SYNE2: variants seen among roughly 807,000 people sequenced by gnomAD.
SYNE2 encodes nesprin-2.
Under a neutral mutation model 856.3 loss-of-function variants are expected in SYNE2, and 431 were observed. That is an observed-to-expected ratio of 0.50 (90% CI 0.47 to 0.55). The LOEUF is 0.55. Ranked by LOEUF, SYNE2 falls within the 20% of genes least tolerant of loss-of-function variation. The pLI, the probability that SYNE2 is intolerant of heterozygous loss-of-function variation, is 0.00. For synonymous variants in SYNE2, 2,923 were observed against 2,872.3 expected (o/e 1.02, Z -0.56); for missense variants, 8,129 against 8,023.2 (o/e 1.01, Z -0.50).
chr14:64,185,667 C>T (rs754308664), intron 96 of SYNE2, among the ~76,000 whole-genome samples: 6 of 151,674 alleles, frequency 4.0e-5, no homozygotes, highest in African/African-American at 1.5e-4. Flanking sequence ...ATTACAGGCG[C>T]GCGCCACCGC....
At chr14:64,038,344 C>T (rs2153558554) in intron 45 of SYNE2, among the ~76,000 whole-genome samples, 1 of 152,390 alleles carries the variant, frequency 6.6e-6, no homozygotes, top group East Asian at 1.9e-4. Flanking sequence ...CAGAGACGCT[C>T]CTCACTTTCC....
chr14:64,015,206 A>C (rs2096883388), intron 32 of SYNE2, among the ~76,000 whole-genome samples: 1 of 151,426 alleles, frequency 6.6e-6, no homozygotes, highest in African/African-American at 2.4e-5. Flanking sequence ...ACTGGCTTTC[A>C]TAAAATTAAT....
intron 1 of SYNE2, among the ~76,000 whole-genome samples, chr14:63,869,190 G>A (rs1896215159): frequency 1.3e-5 from 2 of 152,202 alleles, no homozygotes; most frequent in Admixed American, 1.3e-4. Context: ...CCAGAGAGCA[G>A]CCTGCTCGCT....
Position 64,002,005 on chromosome 14 carries a change from C to T in SYNE2, c.3710C>T (p.Ser1237Leu), listed in dbSNP as rs200305811. The change falls in exon 29 of 116, where the codon TCG becomes TTG. Residue 1237 changes from serine to leucine, a missense_variant. Physicochemically the swap from Ser to Leu is moderately radical, Grantham distance 145. Coordinates refer to ENST00000555002, the MANE Select transcript of SYNE2 (RefSeq NM_182914.3). Reference protein sequence around the residue: ...VEKASLLLCGSDLPLHKMAIQ... With the variant: ...VEKASLLLCGLDLPLHKMAIQ... ...AAGGCATCACTTCTTCTCTGTGGCT[C>T]GGACCTGCCTCTCCATAAAATGGCC... 70 of 1,613,968 alleles carry T rather than the reference C, an allele frequency of 4.3e-5. No homozygotes were observed. In the Admixed American group the frequency reaches 8.3e-4, roughly 19 times the overall value.
At position 64,140,230 on chromosome 14, in the gene SYNE2, A is replaced by G. The variant is rs978889385; in HGVS notation, c.14976+157A>G. Among the ~76,000 whole-genome samples the G allele has an allele frequency of 4.6e-4, 70 of 152,362 alleles. 2 individuals are homozygous for G. Among genetic ancestry groups the G allele is most frequent in the Non-Finnish European group, 8.2e-4 (56 of 68,038 alleles). On this transcript the variant is annotated intron_variant, in intron 80 of 115. Transcript: ENST00000555002. ...GTGTTCTTCAAACCTAGAACTGTTT[A>G]TACTGTTCATTCGTTTATAATAAAA...
rs1152583 is a variant in SYNE2 at position 64,225,659 on chromosome 14, C to A, written c.*133C>A. The A allele has an allele frequency of 0.14, 142,210 of 991,726 alleles. 16,711 individuals carry two copies. Among genetic ancestry groups the A allele is most frequent in the African/African-American group, 0.51 (31,466 of 62,282 alleles). 61.4% of individuals were successfully genotyped at this position (991,726 alleles called of 1,614,324 possible). On this transcript the variant is annotated 3_prime_UTR_variant, in exon 116 of 116. Coordinates refer to ENST00000555002, the MANE Select transcript of SYNE2 (RefSeq NM_182914.3). ...CTGTGCAGACTTCTTCTGGGCTTAC[C>A]CAGCACGGGCTCCCTGGAGCCCAGG... is the stretch of plus-strand genomic sequence containing the variant.
intron 99 of SYNE2, among the ~76,000 whole-genome samples, chr14:64,193,838 A>G (rs1005084832): frequency 2.0e-5 from 3 of 152,320 alleles, no homozygotes; most frequent in African/African-American, 7.2e-5. Flanking sequence ...AGATTATTTC[A>G]TTTGAATTCT....
chr14:64,224,776 A>G (rs546190661), intron 114 of SYNE2, among the ~76,000 whole-genome samples: 2 of 152,300 alleles, frequency 1.3e-5, no homozygotes, highest in East Asian at 3.9e-4. Context: ...TGATTTTGCC[A>G]TTAAAAACTT....
chr14:64,220,119 T>C (rs1000521978), intron 110 of SYNE2, among the ~76,000 whole-genome samples: 2 of 152,240 alleles, frequency 1.3e-5, no homozygotes, highest in African/African-American at 2.4e-5. Flanking sequence ...AAATGCAGAA[T>C]AACCACATAT....
At position 64,214,178 on chromosome 14, in the gene SYNE2, G is replaced by A; in HGVS notation, c.19057-16G>A. ...TATGAGTTGATTAATTCTAACAACT[G>A]GATACTGTGGTTTAGGGCTTGGAAG... On this transcript the variant is annotated splice_polypyrimidine_tract_variant and intron_variant, in intron 105 of 115. Coordinates refer to ENST00000555002, the MANE Select transcript of SYNE2 (RefSeq NM_182914.3). 1 of 1,614,164 alleles carries A rather than the reference G, an allele frequency of 6.2e-7. No individual in the cohort carries two copies. The highest frequency in any genetic ancestry group is 1.3e-5 in the African/African-American group (1 of 75,036).
chr14:64,138,952 T>TATG, intron 79 of SYNE2, among the ~76,000 whole-genome samples: 1 of 106,972 alleles, frequency 9.3e-6, no homozygotes, highest in African/African-American at 3.8e-5. Flanking sequence ...GTATGGTGTG[T>TATG]GTGTGTGTGT....
chr14:63,838,682 A>C (rs530917311), intron 1 of SYNE2, among the ~76,000 whole-genome samples: 19 of 152,014 alleles, frequency 1.2e-4, no homozygotes, highest in Non-Finnish European at 2.1e-4. Flanking sequence ...CTAATTTTAA[A>C]ATTTTTTGTA....
chr14:64,186,333 C>A (rs528965451), intron 96 of SYNE2, 91 bp from the exon 97 acceptor site: 2 of 1,544,020 alleles, frequency 1.3e-6, no homozygotes, highest in Non-Finnish European at 1.8e-6. Flanking sequence ...TCCCCTCCCC[C>A]AGAGTCTAAT....
intron 1 of SYNE2, among the ~76,000 whole-genome samples, chr14:63,878,584 C>T (rs1381066747): frequency 1.3e-5 from 2 of 148,946 alleles, no homozygotes; most frequent in Non-Finnish European, 3.0e-5. Flanking sequence ...TCACTCTTAC[C>T]CAGGCTGGAG....
At chr14:64,088,670 A>T (rs2097582102) in intron 58 of SYNE2, among the ~76,000 whole-genome samples, 1 of 152,184 alleles carries the variant, frequency 6.6e-6, no homozygotes, top group Admixed American at 6.5e-5. Context: ...CCAATAGCAA[A>T]TATTTATTGA....
chr14:64,083,072 T>C (rs960485440), intron 57 of SYNE2, among the ~76,000 whole-genome samples: 1 of 152,196 alleles, frequency 6.6e-6, no homozygotes, highest in Non-Finnish European at 1.5e-5. Context: ...TCCAAGGTGA[T>C]TCAGCTCCTT....
chr14:63,983,688 CATAAA>C, intron 17 of SYNE2, 44 bp from the exon 18 acceptor site: 2 of 1,461,046 alleles, frequency 1.4e-6, no homozygotes, highest in Non-Finnish European at 1.9e-6. Flanking sequence ...TGTATATTAG[CATAAA>C]ATAAAAATAT....
In SYNE2 at chr14:64,130,256, A is replaced by G. The variant is rs1186942820; in HGVS notation, c.14340+8A>G. On this transcript the variant is annotated splice_region_variant and intron_variant, in intron 76 of 115. Transcript: ENST00000555002. ...CAAATAGAAAATCACAAGGTGAGAC[A>G]GACACATGGGTCGGGTGACCCCTTC... is the stretch of plus-strand genomic sequence containing the variant. The G allele has an allele frequency of 3.1e-6, 5 of 1,609,740 alleles. No individual in the cohort carries two copies. Among genetic ancestry groups the G allele is most frequent in the Non-Finnish European group, 4.2e-6 (5 of 1,177,780 alleles).
Position 64,026,797 on chromosome 14 carries a change from T to C in SYNE2, c.6404+67T>C. On this transcript the variant is annotated intron_variant, in intron 42 of 115. Coordinates refer to ENST00000555002, the MANE Select transcript of SYNE2 (RefSeq NM_182914.3). Reference sequence around the variant, plus strand: ...CCAGTGAAGCCATAACAAGTATGTTTTGTCTGCCCCCTGGGTTTGGATATA... The same window carrying C: ...CCAGTGAAGCCATAACAAGTATGTTCTGTCTGCCCCCTGGGTTTGGATATA... The C allele has an allele frequency of 1.2e-5, 19 of 1,534,610 alleles. No homozygotes were observed. The South Asian group carries it at 1.9e-4, about 15-fold the overall frequency.
Sources: allele counts gnomAD v4.1 joint callset (sites outside exome capture counted in the v4.1 genomes callset), GRCh38; gene constraint gnomAD v4.1.1; transcripts MANE v1.5; gene names NCBI Gene and HGNC (gene_info 2026-07-23, HGNC 2026-07-21).